CCDC25: variants seen among roughly 807,000 people sequenced by gnomAD.
CCDC25 encodes coiled-coil domain containing 25.
Under a neutral mutation model 35.3 loss-of-function variants are expected in CCDC25, and 16 were observed. The ratio of observed to expected loss-of-function variants is 0.45; its 90% CI spans 0.31 to 0.69. CCDC25 has a LOEUF of 0.69. CCDC25 is among the 30% of genes least tolerant of loss of function. The pLI is 0.06. For synonymous variants in CCDC25, 79 were observed against 80.3 expected (o/e 0.98, Z 0.09); for missense variants, 179 against 250.7 (o/e 0.71, Z 1.93).
intron 7 of CCDC25, among the ~76,000 whole-genome samples, chr8:27,745,835 T>C (rs1302333794): frequency 6.6e-6 from 1 of 152,230 alleles, no homozygotes; most frequent in Non-Finnish European, 1.5e-5. Flanking sequence ...ATAGCAATTG[T>C]TTTTGGTTTT....
intron 7 of CCDC25, among the ~76,000 whole-genome samples, chr8:27,747,429 G>A (rs1478667128): frequency 6.6e-6 from 1 of 152,190 alleles, no homozygotes; most frequent in East Asian, 1.9e-4. Context: ...TTAGCCCAGT[G>A]AGAATCTTGC....
intron 7 of CCDC25, among the ~76,000 whole-genome samples, chr8:27,745,758 G>A (rs985582953): frequency 6.6e-5 from 10 of 152,328 alleles, no homozygotes; most frequent in East Asian, 1.9e-4. Flanking sequence ...CCTGTGCCAC[G>A]TTCTTCTGTC....
chr8:27,755,942 T>A (rs906016271), intron 4 of CCDC25, among the ~76,000 whole-genome samples: 2 of 152,180 alleles, frequency 1.3e-5, no homozygotes, highest in African/African-American at 4.8e-5. Context: ...GACTGGCTAC[T>A]AGAACAAAAA....
At chr8:27,743,477 G>C (rs941831555) in intron 7 of CCDC25, among the ~76,000 whole-genome samples, 29 of 152,302 alleles carry the variant, frequency 1.9e-4, no homozygotes, top group African/African-American at 6.7e-4. Context: ...CAGACATTTG[G>C]GACTTTAGTC....
chr8:27,761,210 C>T (rs351713), intron 3 of CCDC25, among the ~76,000 whole-genome samples: 2 of 152,156 alleles, frequency 1.3e-5, no homozygotes, highest in Admixed American at 1.3e-4. Flanking sequence ...AGTGAAGGGT[C>T]TGTGTCCACA....
chr8:27,770,820 A>G (rs184966857), intron 1 of CCDC25, among the ~76,000 whole-genome samples: 31 of 152,308 alleles, frequency 2.0e-4, no homozygotes, highest in African/African-American at 6.7e-4. Context: ...AGAAAGTGCT[A>G]TAAGTAAGTA....
chr8:27,754,202 A>C lies in CCDC25; in HGVS notation c.169-1615T>G, dbSNP rs1803915757. On this transcript the variant is annotated intron_variant, in intron 4 of 8. Transcript: ENST00000356537. ...ATGAAAAGTTATTTCTTGGTGATTCATAATGCTGAAAAATTGGAAACAACC... is the reference window on the plus strand; with the variant it reads ...ATGAAAAGTTATTTCTTGGTGATTCCTAATGCTGAAAAATTGGAAACAACC... 4.6e-5 allele frequency among the ~76,000 whole-genome samples: 7 copies of C among 152,362 alleles called. No individual in the cohort carries two copies. In the South Asian group the frequency reaches 1.4e-3, roughly 32 times the overall value.
intron 7 of CCDC25, among the ~76,000 whole-genome samples, chr8:27,747,256 A>G (rs1170730418): frequency 6.6e-6 from 1 of 152,172 alleles, no homozygotes; most frequent in Non-Finnish European, 1.5e-5. Context: ...ATCTGGATTA[A>G]CTCAATCTAA....
chr8:27,758,499 C>A (rs552865334), intron 3 of CCDC25, among the ~76,000 whole-genome samples: 1 of 152,346 alleles, frequency 6.6e-6, no homozygotes, highest in Non-Finnish European at 1.5e-5. Flanking sequence ...GGTTCACTTA[C>A]TCATTTGCAT....
intron 7 of CCDC25, 128 bp from the exon 8 acceptor site, chr8:27,740,645 T>G: frequency 1.4e-6 from 1 of 722,730 alleles, no homozygotes; most frequent in Non-Finnish European, 2.3e-6. Context: ...CTATTAGATA[T>G]AATCTCTGCA....
At position 27,765,157 on chromosome 8, in the gene CCDC25, CACTT is replaced by C. The variant is rs759362718; in HGVS notation, c.76+43_76+46del. The stretch of plus-strand genomic sequence containing the variant: ...ATGGAAGGTGGTGAGTGAGAGATAA[CACTT>C]ACCTGCTGAAAATTTCAAAATCAAA... On this transcript the variant is annotated intron_variant, in intron 2 of 8. Transcript: ENST00000356537. The C allele has an allele frequency of 7.7e-5, 113 of 1,476,416 alleles. No homozygotes were observed. The African/African-American group carries it at 1.4e-3, about 19-fold the overall frequency. The allele number at this position is 1,476,416 out of a possible 1,614,324, so 91.5% of individuals were successfully genotyped here.
chr8:27,748,428 A>G (rs1449827432), intron 6 of CCDC25, 67 bp downstream of exon 6: 3 of 1,372,850 alleles, frequency 2.2e-6, no homozygotes, highest in East Asian at 4.6e-5. Flanking sequence ...ATGGTGTCAG[A>G]CAGAAAAGAT....
intron 8 of CCDC25, among the ~76,000 whole-genome samples, chr8:27,739,981 A>C (rs1186558445): frequency 6.6e-6 from 1 of 152,210 alleles, no homozygotes; most frequent in Non-Finnish European, 1.5e-5. Flanking sequence ...ATCTGTTTCT[A>C]TCCCAGGTCC....
chr8:27,755,242 A>G (rs1803956730), intron 4 of CCDC25, among the ~76,000 whole-genome samples: 1 of 152,228 alleles, frequency 6.6e-6, no homozygotes, highest in African/African-American at 2.4e-5. Context: ...AGCTCTCTGT[A>G]GTGCCGGAAA....
At chr8:27,757,879 G>A (rs1804071377) in intron 3 of CCDC25, among the ~76,000 whole-genome samples, 1 of 152,146 alleles carries the variant, frequency 6.6e-6, no homozygotes, top group Non-Finnish European at 1.5e-5. Context: ...TCCCTTTGGT[G>A]CTATTCTTAT....
chr8:27,768,946 G>C (rs1168515369), intron 1 of CCDC25, among the ~76,000 whole-genome samples: 1 of 152,114 alleles, frequency 6.6e-6, no homozygotes, highest in Admixed American at 6.5e-5. Context: ...TCCCTTATGA[G>C]ACAGCATGAA....
chr8:27,748,876 T>C (rs1051570360), intron 5 of CCDC25, among the ~76,000 whole-genome samples: 1 of 151,952 alleles, frequency 6.6e-6, no homozygotes, highest in African/African-American at 2.4e-5. Context: ...GCAAAATTTA[T>C]CATTGAGTTT....
chr8:27,769,270 CAGGAAACAGTTCTGACATTATAATGGA>C (rs1217796021), intron 1 of CCDC25, among the ~76,000 whole-genome samples: 2 of 151,768 alleles, frequency 1.3e-5, no homozygotes, highest in African/African-American at 4.8e-5. Context: ...ATTTTTCTAA[CAGGAAACAGTTCTGACATTATAATGGA>C]AGTCAATGAA....
At chr8:27,745,434 G>C (rs372392339) in intron 7 of CCDC25, among the ~76,000 whole-genome samples, 5 of 152,010 alleles carry the variant, frequency 3.3e-5, no homozygotes, top group Non-Finnish European at 1.5e-5. Context: ...TTCTGGTTTC[G>C]ACATCTACAT....
Sources: allele counts gnomAD v4.1 joint callset (sites outside exome capture counted in the v4.1 genomes callset), GRCh38; gene constraint gnomAD v4.1.1; transcripts MANE v1.5; gene names NCBI Gene and HGNC (gene_info 2026-07-23, HGNC 2026-07-21).